Variants in CTNNA1 observed in about 807,000 individuals in gnomAD.
CTNNA1 encodes catenin alpha-1.
In CTNNA1, 37 loss-of-function variants were observed where a neutral mutation model predicts 98.4. That is an observed-to-expected ratio of 0.38 (90% CI 0.29 to 0.49). CTNNA1 has a LOEUF of 0.49. CTNNA1 is among the 20% of genes least tolerant of loss of function. CTNNA1 has a pLI of 0.95. For synonymous variants in CTNNA1, 404 were observed against 413.2 expected, an observed-to-expected ratio of 0.98 and a Z score of 0.27; for missense variants, 761 against 1,147.2, an observed-to-expected ratio of 0.66 and a Z score of 4.86.
intron 3 of CTNNA1, among the ~76,000 whole-genome samples, chr5:138,788,297 T>C (rs1488095756): frequency 6.6e-6 from 1 of 152,210 alleles, no homozygotes; most frequent in African/African-American, 2.4e-5. Flanking sequence ...TTGAGTAAGA[T>C]AATTGATTAT....
intron 12 of CTNNA1, 141 bp from the exon 13 acceptor site, chr5:138,925,115 C>A: frequency 2.4e-6 from 2 of 843,866 alleles, no homozygotes; most frequent in Non-Finnish European, 3.6e-6. Context: ...TTTATTTCAA[C>A]TGTAAATACC....
chr5:138,902,481 G>T (rs1016310695), intron 9 of CTNNA1, among the ~76,000 whole-genome samples: 1 of 152,178 alleles, frequency 6.6e-6, no homozygotes, highest in Admixed American at 6.5e-5. Context: ...GTGCAGTGGC[G>T]TGATCTCGGC....
chr5:138,911,087 A>C (rs1268561527), intron 10 of CTNNA1, among the ~76,000 whole-genome samples: 1 of 152,158 alleles, frequency 6.6e-6, no homozygotes, highest in African/African-American at 2.4e-5. Context: ...AAAATAAAAA[A>C]TTTGCCAGGC....
At chr5:138,777,658 C>G (rs1034821414) in intron 1 of CTNNA1, among the ~76,000 whole-genome samples, 28 of 152,094 alleles carry the variant, frequency 1.8e-4, no homozygotes, top group Middle Eastern at 6.8e-3. Flanking sequence ...GAGCTGGAGA[C>G]CAGCCCGGCT....
chr5:138,846,301 T>G (rs1198752529), intron 7 of CTNNA1, among the ~76,000 whole-genome samples: 1 of 152,208 alleles, frequency 6.6e-6, no homozygotes, highest in Non-Finnish European at 1.5e-5. Flanking sequence ...TAAAATTGAC[T>G]GTAGTAATGG....
intron 9 of CTNNA1, among the ~76,000 whole-genome samples, chr5:138,890,930 CCATCTT>C (rs1444897502): frequency 2.0e-5 from 3 of 152,186 alleles, no homozygotes; most frequent in African/African-American, 7.2e-5. Context: ...TAATACCTCC[CCATCTT>C]AAAGGTATGT....
intron 3 of CTNNA1, among the ~76,000 whole-genome samples, chr5:138,797,355 T>A (rs1251756874): frequency 6.6e-6 from 1 of 152,180 alleles, no homozygotes; most frequent in African/African-American, 2.4e-5. Context: ...GTTGTAGTGT[T>A]TACCATCCCA....
At chr5:138,784,618 A>G (rs1483483108) in intron 3 of CTNNA1, among the ~76,000 whole-genome samples, 2 of 152,238 alleles carry the variant, frequency 1.3e-5, no homozygotes, top group African/African-American at 2.4e-5. Context: ...CTTCTATAAC[A>G]TAAATTATTA....
rs2150296115 is a variant in CTNNA1 at position 138,925,412 on chromosome 5, G to A, written c.1899+5G>A. ...AAAGCAGTGCTGATGATAAGGGTGA[G>A]TAACTGCATTTCAGACGTCTTAACA... On this transcript the variant is annotated splice_donor_5th_base_variant and intron_variant, in intron 13 of 17. Coordinates refer to ENST00000302763, the MANE Select transcript of CTNNA1 (RefSeq NM_001903.5). 6.2e-7 allele frequency: 1 copy of A among 1,613,274 alleles called. No homozygotes were observed. The highest frequency in any genetic ancestry group is 1.1e-5 in the South Asian group (1 of 90,958).
rs533470267 is a variant in CTNNA1 at position 138,791,538 on chromosome 5, G to A, written c.301+8166G>A. Among the ~76,000 whole-genome samples, 4 of 144,996 alleles carry A rather than the reference G, an allele frequency of 2.8e-5. No individual in the cohort carries two copies. The South Asian group carries it at 6.6e-4, about 24-fold the overall frequency. ...AGGCTGAGGCAGGGGAATTGCTTGA[G>A]CCCGGAAGGCAGAGGTTGCAGTGAG... is the stretch of plus-strand genomic sequence containing the variant. On this transcript the variant is annotated intron_variant, in intron 3 of 17. Transcript: ENST00000302763.
chr5:138,913,221 G>GT (rs770026659), intron 10 of CTNNA1, among the ~76,000 whole-genome samples: 4 of 151,146 alleles, frequency 2.6e-5, no homozygotes, highest in Non-Finnish European at 5.9e-5. Flanking sequence ...TTTGTATTCT[G>GT]TTTTTTTTCC....
intron 3 of CTNNA1, among the ~76,000 whole-genome samples, chr5:138,784,695 T>C (rs1289795277): frequency 2.0e-5 from 3 of 152,208 alleles, no homozygotes; most frequent in African/African-American, 7.2e-5. Flanking sequence ...AAATCTGAAA[T>C]CAAGGTGTTG....
chr5:138,923,227 A>G (rs1358962979), intron 11 of CTNNA1, among the ~76,000 whole-genome samples: 1 of 152,212 alleles, frequency 6.6e-6, no homozygotes, highest in Non-Finnish European at 1.5e-5. Flanking sequence ...CCTGCTCAGT[A>G]CATTTGTTTA....
At chr5:138,889,913 A>G (rs1342286661) in intron 9 of CTNNA1, among the ~76,000 whole-genome samples, 1 of 152,194 alleles carries the variant, frequency 6.6e-6, no homozygotes, top group African/African-American at 2.4e-5. Flanking sequence ...TTCCTGACTT[A>G]TGGCAGAATT....
At chr5:138,932,440 A>T in intron 16 of CTNNA1, 138 bp from the exon 17 acceptor site, 1 of 1,460,382 alleles carries the variant, frequency 6.8e-7, no homozygotes, top group Non-Finnish European at 9.1e-7. Context: ...TGACTGCCTC[A>T]GGTAATTGGG....
chr5:138,873,264 A>G lies in CTNNA1; in HGVS notation c.1063-12948A>G, dbSNP rs1299994336. On this transcript the variant is annotated intron_variant, in intron 7 of 17. Transcript: ENST00000302763. The surrounding 1 kb of genome is among the most constrained non-coding windows in gnomAD (Gnocchi z 6.1). ...ACTATAAAAATAATAAAAAAGAAAG[A>G]AAACAATAAAGCCATTGTTCCCGTA... 1 of 1,613,878 alleles carries G rather than the reference A, an allele frequency of 6.2e-7. No individual in the cohort carries two copies. The highest frequency in any genetic ancestry group is 2.2e-5 in the East Asian group (1 of 44,882).
At chr5:138,831,979 G>A (rs1761317172) in intron 7 of CTNNA1, among the ~76,000 whole-genome samples, 1 of 152,190 alleles carries the variant, frequency 6.6e-6, no homozygotes, top group Non-Finnish European at 1.5e-5. Context: ...TACAGTGGAT[G>A]AAGGAGGAGG....
chr5:138,931,165 T>C, intron 16 of CTNNA1: 1 of 509,996 alleles, frequency 2.0e-6, no homozygotes, highest in South Asian at 2.2e-5. Context: ...TATTGTCTCT[T>C]ATGTCTCAGT....
intron 3 of CTNNA1, among the ~76,000 whole-genome samples, chr5:138,794,362 A>AT (rs1397628339): frequency 6.6e-6 from 1 of 152,090 alleles, no homozygotes; most frequent in Non-Finnish European, 1.5e-5. Context: ...TAAAAAAAAA[A>AT]CAAAAAAACA....
Sources: allele counts gnomAD v4.1 joint callset (sites outside exome capture counted in the v4.1 genomes callset), GRCh38; gene constraint gnomAD v4.1.1; non-coding constraint Gnocchi (gnomAD v3.1); transcripts MANE v1.5; gene names NCBI Gene and HGNC (gene_info 2026-07-23, HGNC 2026-07-21).